The following SLC25A48 variants were observed in gnomAD, a reference collection of about 807,000 sequenced individuals.
The protein encoded by SLC25A48 is solute carrier family 25 member 48, also known as CTC-321K16.1.
In SLC25A48, 29 loss-of-function variants were observed where a neutral mutation model predicts 32.2. That is an observed-to-expected ratio of 0.90 (90% CI 0.67 to 1.23). SLC25A48 has a LOEUF of 1.23. Ranked by LOEUF, SLC25A48 falls within the 50% of genes most tolerant of loss-of-function variation. The pLI is 0.00. For missense variants in SLC25A48, 399 were observed against 422.7 expected (o/e 0.94, Z 0.49); for synonymous variants, 164 against 172.3 (o/e 0.95, Z 0.38).
chr5:135,772,903 G>T (rs927508011), intron 3 of SLC25A48, among the ~76,000 whole-genome samples: 1 of 151,196 alleles, frequency 6.6e-6, no homozygotes, highest in Non-Finnish European at 1.5e-5. Flanking sequence ...TTGTGATATT[G>T]TTTGTAATAT....
At chr5:135,612,699 T>G (rs1752101555) in intron 1 of SLC25A48, among the ~76,000 whole-genome samples, 1 of 152,236 alleles carries the variant, frequency 6.6e-6, no homozygotes, top group Admixed American at 6.5e-5. Context: ...GTTCCACCCA[T>G]GTTGCTGCAA....
intron 3 of SLC25A48, among the ~76,000 whole-genome samples, chr5:135,665,779 A>C (rs1753509738): frequency 6.6e-6 from 1 of 151,824 alleles, no homozygotes; most frequent in Non-Finnish European, 1.5e-5. Flanking sequence ...AAAAAAAATC[A>C]GATTCATCCT....
At chr5:135,774,421 C>T (rs1263831861) in intron 3 of SLC25A48, among the ~76,000 whole-genome samples, 2 of 151,782 alleles carry the variant, frequency 1.3e-5, no homozygotes, top group Non-Finnish European at 2.9e-5. Flanking sequence ...CTCCCAATAT[C>T]GCAGAGGGTG....
chr5:135,883,583 G>A (rs1015309001), intron 7 of SLC25A48: 2 of 653,790 alleles, frequency 3.1e-6, no homozygotes, highest in Non-Finnish European at 3.8e-6. Context: ...CACAGGTGAG[G>A]AGAGAAACTG....
At chr5:135,802,738 C>A (rs1757366083) in intron 3 of SLC25A48, among the ~76,000 whole-genome samples, 1 of 150,950 alleles carries the variant, frequency 6.6e-6, no homozygotes, top group Non-Finnish European at 1.5e-5. Flanking sequence ...TTTATAATAT[C>A]CCAGGGAGAT....
chr5:135,671,184 A>G (rs1753645154), intron 3 of SLC25A48, among the ~76,000 whole-genome samples: 1 of 152,236 alleles, frequency 6.6e-6, no homozygotes, highest in Admixed American at 6.5e-5. Flanking sequence ...AGCTAGAGGA[A>G]GGAAAAGGAA....
At chr5:135,779,365 G>T (rs1035034179) in intron 3 of SLC25A48, among the ~76,000 whole-genome samples, 3 of 151,778 alleles carry the variant, frequency 2.0e-5, no homozygotes. Context: ...ATTGCAGGGG[G>T]TGGATACCCC....
At chr5:135,583,546 G>A (rs1370660038) in intron 1 of SLC25A48, among the ~76,000 whole-genome samples, 1 of 151,810 alleles carries the variant, frequency 6.6e-6, no homozygotes, top group Non-Finnish European at 1.5e-5. Flanking sequence ...GGTAGAGGCT[G>A]AGGCCACAAC....
chr5:135,657,289 T>G (rs10070399), intron 3 of SLC25A48, among the ~76,000 whole-genome samples: 66,570 of 152,098 alleles, frequency 0.44, 15,075 homozygotes, highest in South Asian at 0.51. Flanking sequence ...CTTTTCAGTT[T>G]ACTCTTCTAC....
intron 3 of SLC25A48, among the ~76,000 whole-genome samples, chr5:135,809,835 A>G (rs1305302911): frequency 6.6e-6 from 1 of 152,160 alleles, no homozygotes; most frequent in Non-Finnish European, 1.5e-5. Flanking sequence ...CACGGTACCA[A>G]TGGACCTTCT....
intron 1 of SLC25A48, among the ~76,000 whole-genome samples, chr5:135,622,653 A>G (rs1473445377): frequency 6.6e-6 from 1 of 152,238 alleles, no homozygotes; most frequent in Non-Finnish European, 1.5e-5. Flanking sequence ...GAAAAAATGT[A>G]TATCATATGT....
At chr5:135,603,488 G>A (rs980540556) in intron 1 of SLC25A48, among the ~76,000 whole-genome samples, 13 of 152,230 alleles carry the variant, frequency 8.5e-5, no homozygotes, top group African/African-American at 2.7e-4. Flanking sequence ...ATCCTGATGA[G>A]GCAGGACAGG....
chr5:135,851,476 G>A (rs73791606), intron 3 of SLC25A48, among the ~76,000 whole-genome samples: 1 of 152,190 alleles, frequency 6.6e-6, no homozygotes, highest in African/African-American at 2.4e-5. Context: ...ACTGCGGGCG[G>A]TTTCTCTGAG....
chr5:135,816,008 G>T (rs1757708861), intron 4 of SLC25A48, among the ~76,000 whole-genome samples: 1 of 152,144 alleles, frequency 6.6e-6, no homozygotes, highest in South Asian at 2.1e-4. Flanking sequence ...CATATGGCTG[G>T]GGAGGCCTCA....
chr5:135,692,102 G>A (rs2126958899), intron 3 of SLC25A48, among the ~76,000 whole-genome samples: 1 of 152,298 alleles, frequency 6.6e-6, no homozygotes, highest in East Asian at 1.9e-4. Flanking sequence ...CGGATCCTGA[G>A]GTCAGGAGAT....
At chr5:135,854,882 G>T (rs749763960) in intron 4 of SLC25A48, among the ~76,000 whole-genome samples, 5 of 152,218 alleles carry the variant, frequency 3.3e-5, no homozygotes, top group African/African-American at 4.8e-5. Context: ...TTGATTTAAA[G>T]TGAGACATCT....
chr5:135,845,192 G>T (rs1759308784), intron 2 of SLC25A48, among the ~76,000 whole-genome samples: 2 of 152,222 alleles, frequency 1.3e-5, no homozygotes, highest in South Asian at 4.1e-4. Context: ...CTGCTGCAGT[G>T]CTCGGCATTC....
At chr5:135,656,302 T>C (rs920550198) in intron 3 of SLC25A48, among the ~76,000 whole-genome samples, 7 of 152,166 alleles carry the variant, frequency 4.6e-5, no homozygotes, top group African/African-American at 1.7e-4. Flanking sequence ...CATCTCACAC[T>C]GGCCATCCTG....
intron 3 of SLC25A48, among the ~76,000 whole-genome samples, chr5:135,798,554 C>A (rs999121711): frequency 6.6e-6 from 1 of 150,424 alleles, no homozygotes; most frequent in Non-Finnish European, 1.5e-5. Context: ...TGTACACCCC[C>A]CTTGTGATAT....
Sources: gnomAD v4.1 joint callset for allele counts (sites outside exome capture counted in the v4.1 genomes callset) on GRCh38, gnomAD v4.1.1 for gene constraint, MANE v1.5 for transcripts, NCBI Gene and HGNC (gene_info 2026-07-23, HGNC 2026-07-21) for gene names.